Variants in NPPC observed in about 807,000 individuals in gnomAD.
NPPC encodes the protein natriuretic peptide C, also known as C-type natriuretic peptide.
NPPC carries 4 observed loss-of-function variants against 10.2 expected under a neutral mutation model. That is an observed-to-expected ratio of 0.39 (90% CI 0.19 to 0.90). NPPC has a LOEUF of 0.90. Among genes scored for constraint, NPPC ranks in the 40% least tolerant of loss-of-function variants. The pLI is 0.37. For synonymous variants in NPPC, 83 were observed against 87.3 expected, an observed-to-expected ratio of 0.95 and a Z score of 0.27; for missense variants, 182 against 173.8, an observed-to-expected ratio of 1.05 and a Z score of -0.26.
At chr2:231,923,312 T>C (rs936006849) in intron 2 of NPPC, among the ~76,000 whole-genome samples, 86 of 152,242 alleles carry the variant, frequency 5.6e-4, no homozygotes, top group African/African-American at 1.9e-3. Context: ...CATTTTACAA[T>C]GAATACCTAG....
chr2:231,925,523 C>A lies in NPPC; in HGVS notation c.283G>T (p.Ala95Ser). 5.6e-6 allele frequency: 9 copies of A among 1,613,020 alleles called. No individual in the cohort carries two copies. The highest frequency in any genetic ancestry group is 7.6e-6 in the Non-Finnish European group (9 of 1,179,716). ...WARLLQEHPNARKYKGANKKG... is the reference protein window; with the variant it reads ...WARLLQEHPNSRKYKGANKKG... ...TTGTTGGCTCCTTTGTATTTGCGCG[C>A]GTTGGGGTGCTCTTGCAGAAGGCGA... is the stretch of plus-strand genomic sequence containing the variant. Residue 95 changes from alanine to serine, a missense_variant, in exon 2 of 3, where the codon GCG becomes TCG. Physicochemically the swap from Ala to Ser is moderately conservative, Grantham distance 99. Transcript: ENST00000409852.
At chr2:231,925,277 T>C (rs999161765) in intron 2 of NPPC, 128 bp downstream of exon 2, 2 of 737,594 alleles carry the variant, frequency 2.7e-6, no homozygotes, top group Admixed American at 4.2e-5. Context: ...AGTGGGATAA[T>C]AAAGGGGGCG....
In NPPC at chr2:231,926,200, G is replaced by C; in HGVS notation, c.50C>G (p.Ser17Cys). 3 of 1,333,272 alleles carry C rather than the reference G, an allele frequency of 2.3e-6. No homozygotes were observed. Among genetic ancestry groups the C allele is most frequent in the Non-Finnish European group, 2.9e-6 (3 of 1,038,982 alleles). The allele number at this position is 1,333,272 out of a possible 1,614,324, so 82.6% of individuals were successfully genotyped here. ...GGGCTTGGCTTCGGAGGGCCGGAGG[G>C]AGAGCAGCGTGAGCAGCAGGGCGCA... is the stretch of plus-strand genomic sequence containing the variant. Reference protein sequence around the residue: ...LACALLLTLLSLRPSEAKPGA... With the variant: ...LACALLLTLLCLRPSEAKPGA... The change falls in exon 1 of 3, where the codon TCC becomes TGC. Residue 17 changes from serine to cysteine, a missense_variant. Coordinates refer to ENST00000409852, the MANE Select transcript of NPPC (RefSeq NM_024409.4).
Position 231,922,101 on chromosome 2 carries a change from T to C in NPPC, c.*235A>G, listed in dbSNP as rs746282446. Reference sequence around the variant, plus strand: ...ATGTATATAATATATATATAATATATAACTTTTTATTTTTCATTTTAAAAA... The same window carrying C: ...ATGTATATAATATATATATAATATACAACTTTTTATTTTTCATTTTAAAAA... On this transcript the variant is annotated 3_prime_UTR_variant, in exon 3 of 3. Transcript: ENST00000409852. 8 of 150,728 alleles carry C rather than the reference T, an allele frequency of 5.3e-5. No individual in the cohort carries two copies. The highest frequency in any genetic ancestry group is 8.9e-5 in the Non-Finnish European group (6 of 67,732). 9.3% of individuals were successfully genotyped at this position (150,728 alleles called of 1,614,324 possible).
chr2:231,925,013 C>T (rs79260680), intron 2 of NPPC, among the ~76,000 whole-genome samples: 1 of 152,184 alleles, frequency 6.6e-6, no homozygotes, highest in Admixed American at 6.5e-5. Context: ...AGCAGATGAT[C>T]GATGTCCCCT....
At chr2:231,925,013 C>A (rs79260680) in intron 2 of NPPC, among the ~76,000 whole-genome samples, 76 of 152,302 alleles carry the variant, frequency 5.0e-4, no homozygotes, top group African/African-American at 1.6e-3. Flanking sequence ...AGCAGATGAT[C>A]GATGTCCCCT....
At chr2:231,925,795 C>A (rs1691998765) in intron 1 of NPPC, 80 bp from the exon 2 acceptor site, 2 of 1,386,242 alleles carry the variant, frequency 1.4e-6, no homozygotes, top group Non-Finnish European at 1.9e-6. Flanking sequence ...CCCACGCGCC[C>A]GCCGGCGCGG....
Position 231,925,677 on chromosome 2 carries a change from C to A in NPPC, c.129G>T (p.Pro43=), listed in dbSNP as rs1407281080. 2 of 1,594,166 alleles carry A rather than the reference C, an allele frequency of 1.3e-6. No homozygotes were observed. Among genetic ancestry groups the A allele is most frequent in the East Asian group, 2.3e-5 (1 of 44,320 alleles). The change falls in exon 2 of 3, where the codon CCG becomes CCT. Residue 43 remains proline, a synonymous_variant. Coordinates refer to ENST00000409852, the MANE Select transcript of NPPC (RefSeq NM_024409.4). ...TCTTCTGACCGCCGCCCGCAGCCTG[C>A]GGCTCGGCCAGCTCCTCTGCCGGCG... ...RTPPAEELAE[P]QAAGGGQKKG... is the part of the protein sequence containing the mutation.
In NPPC at chr2:231,925,486, G is replaced by GT; in HGVS notation, c.319_320insA (p.Ser107TyrfsTer37). ...CAGCTTGAGGCCGAAGCAGCCCTTG[G>GT]ACAAGCCCTTCTTGTTGGCTCCTTT... On this transcript the variant is annotated frameshift_variant, in exon 2 of 3. Transcript: ENST00000409852. LOFTEE classifies it high-confidence loss of function. 1 of 1,613,018 alleles carries GT rather than the reference G, an allele frequency of 6.2e-7. No individual in the cohort carries two copies. The highest frequency in any genetic ancestry group is 8.5e-7 in the Non-Finnish European group (1 of 1,179,674).
In NPPC at chr2:231,925,395, C is replaced by G; in HGVS notation, c.*20+10G>C. ...GGGCTGGGGCTGGGCGTCGGGTGGG[C>G]CGTACTCACCGCCGCCAGGGGGCGC... On this transcript the variant is annotated intron_variant, in intron 2 of 2. Coordinates refer to ENST00000409852, the MANE Select transcript of NPPC (RefSeq NM_024409.4). 4 of 1,571,358 alleles carry G rather than the reference C, an allele frequency of 2.5e-6. No homozygotes were observed. Among genetic ancestry groups the G allele is most frequent in the Non-Finnish European group, 3.5e-6 (4 of 1,158,350 alleles).
At chr2:231,925,827 G>A (rs978797804) in intron 1 of NPPC, 112 bp from the exon 2 acceptor site, 1 of 1,273,012 alleles carries the variant, frequency 7.9e-7, no homozygotes, top group Non-Finnish European at 1.0e-6. Flanking sequence ...CAAGCCCAGA[G>A]CCGCCCCCAC....
chr2:231,925,764 G>A (rs779777523), intron 1 of NPPC, 49 bp from the exon 2 acceptor site: 25 of 1,463,948 alleles, frequency 1.7e-5, no homozygotes, highest in Non-Finnish European at 2.2e-5. Flanking sequence ...GCTGCAGCAC[G>A]GGGGACTCTG....
chr2:231,926,269 G>A lies in NPPC; in HGVS notation c.-20C>T, dbSNP rs1378626476. ...ATGCATGGTGCCGCTGGGGTCGAGG[G>A]GCGCACACGGGCGGCAGCGAGGGCG... On this transcript the variant is annotated 5_prime_UTR_variant, in exon 1 of 3. Coordinates refer to ENST00000409852, the MANE Select transcript of NPPC (RefSeq NM_024409.4). The A allele has an allele frequency of 7.1e-6, 9 of 1,274,992 alleles. No homozygotes were observed. The highest frequency in any genetic ancestry group is 4.0e-5 in the Admixed American group (1 of 24,884). The allele number at this position is 1,274,992 out of a possible 1,614,324, so 79.0% of individuals were successfully genotyped here. A position where few individuals can be genotyped will look rare whatever the true frequency, so the allele number is the denominator to read the frequency against.
chr2:231,925,550 C>T lies in NPPC; in HGVS notation c.256G>A (p.Ala86Thr). ...TTGGGGTGCTCTTGCAGAAGGCGAG[C>T]CCACGCTGCCCGCGACTTGGTGTCC... ...RVDTKSRAAW[A>T]RLLQEHPNAR... Residue 86 changes from alanine (A) to threonine (T), a missense_variant, in exon 2 of 3, where the codon GCT becomes ACT. Transcript: ENST00000409852. 6.2e-7 allele frequency: 1 copy of T among 1,612,576 alleles called. No homozygotes were observed. Among genetic ancestry groups the T allele is most frequent in the South Asian group, 1.1e-5 (1 of 90,978 alleles).
intron 2 of NPPC, among the ~76,000 whole-genome samples, chr2:231,924,836 G>A (rs1200308218): frequency 6.6e-6 from 1 of 152,178 alleles, no homozygotes; most frequent in South Asian, 2.1e-4. Flanking sequence ...CAAGCACTGA[G>A]ATTCACCCCC....
intron 2 of NPPC, 165 bp downstream of exon 2, chr2:231,925,240 G>A: frequency 1.7e-6 from 1 of 602,686 alleles, no homozygotes; most frequent in Non-Finnish European, 2.6e-6. Context: ...CCCCGATCAC[G>A]TTATCCTTCG....
Position 231,925,698 on chromosome 2 carries a change from C to A in NPPC, c.108G>T (p.Pro36=), listed in dbSNP as rs772164390. ...GAPPKVPRTP[P]AEELAEPQAA... is the part of the protein sequence containing the mutation. ...CCTGCGGCTCGGCCAGCTCCTCTGC[C>A]GGCGGGGTTCGCGGGACCTGTCCGA... Residue 36 remains proline (P), a synonymous_variant, in exon 2 of 3, where the codon CCG becomes CCT. Coordinates refer to ENST00000409852, the MANE Select transcript of NPPC (RefSeq NM_024409.4). 1 of 1,575,930 alleles carries A rather than the reference C, an allele frequency of 6.3e-7. No homozygotes were observed.
intron 2 of NPPC, among the ~76,000 whole-genome samples, chr2:231,923,670 G>T (rs1386786288): frequency 6.6e-6 from 1 of 152,194 alleles, no homozygotes; most frequent in Non-Finnish European, 1.5e-5. Flanking sequence ...TAAGAGAGCT[G>T]GTAGGAGATT....
intron 2 of NPPC, among the ~76,000 whole-genome samples, chr2:231,923,881 T>C (rs768191702): frequency 6.6e-6 from 1 of 152,230 alleles, no homozygotes; most frequent in Admixed American, 6.5e-5. Flanking sequence ...AAGTTTGAAC[T>C]TGATGCTTAA....
Sources: allele counts gnomAD v4.1 joint callset (sites outside exome capture counted in the v4.1 genomes callset), GRCh38; gene constraint gnomAD v4.1.1; transcripts MANE v1.5; gene names NCBI Gene and HGNC (gene_info 2026-07-23, HGNC 2026-07-21).